EYS: variants seen among roughly 807,000 people sequenced by gnomAD.
EYS encodes the protein EGF-like photoreceptor maintenance factor.
Under a neutral mutation model 282.1 loss-of-function variants are expected in EYS, and 250 were observed. The ratio of observed to expected loss-of-function variants is 0.89; its 90% CI spans 0.80 to 0.98. EYS has a LOEUF of 0.98. Ranked by LOEUF, EYS falls within the 50% of genes least tolerant of loss-of-function variation. The probability of loss-of-function intolerance (pLI) is 0.00; values close to 1 mark genes in which losing one functional copy is unlikely to be tolerated. For synonymous variants in EYS, 1,355 were observed against 1,282.9 expected (o/e 1.06, Z -1.20); for missense variants, 4,016 against 3,709.0 (o/e 1.08, Z -2.15).
At chr6:63,802,754 AG>A (rs1770812337) in intron 37 of EYS, among the ~76,000 whole-genome samples, 1 of 151,702 alleles carries the variant, frequency 6.6e-6, no homozygotes, top group Non-Finnish European at 1.5e-5. Flanking sequence ...TTAAAGAAAA[AG>A]CTCTTTAGTA....
intron 11 of EYS, among the ~76,000 whole-genome samples, chr6:65,323,352 CA>C (rs1769529977): frequency 1.3e-5 from 2 of 148,534 alleles, no homozygotes; most frequent in South Asian, 4.3e-4. Flanking sequence ...TTATAGTAAT[CA>C]GTTTTCTTAT....
chr6:64,687,102 T>A (rs2149910552), intron 22 of EYS, among the ~76,000 whole-genome samples: 1 of 151,480 alleles, frequency 6.6e-6, no homozygotes, highest in African/African-American at 2.4e-5. Context: ...ACTGGCATAT[T>A]CTATGAAACA....
rs1473934022 is a variant in EYS, at chr6:64,912,584, G to T, written c.2541C>A (p.His847Gln). ...GTAGGTCACAAAGGTTATAGCGTTG[G>T]TGGCAAAATTGTCCAGTATAAAGGG... Reference protein sequence around the residue: ...CPPLYTGQFCHQRYNLCDLLH... With the variant: ...CPPLYTGQFCQQRYNLCDLLH... The change falls in exon 16 of 43, where the codon CAC becomes CAA. Residue 847 changes from histidine to glutamine, a missense_variant. Coordinates refer to ENST00000503581, the MANE Select transcript of EYS (RefSeq NM_001142800.2). 6.4e-7 allele frequency: 1 copy of T among 1,551,222 alleles called. No individual in the cohort carries two copies. Among genetic ancestry groups the T allele is most frequent in the Non-Finnish European group, 8.7e-7 (1 of 1,146,666 alleles).
intron 15 of EYS, among the ~76,000 whole-genome samples, chr6:64,939,064 T>G (rs189665261): frequency 1.9e-4 from 29 of 151,990 alleles, no homozygotes; most frequent in Non-Finnish European, 3.4e-4. Context: ...TAAGTCATCC[T>G]ATTTATATGC....
intron 16 of EYS, among the ~76,000 whole-genome samples, chr6:64,911,018 AAAT>A (rs953214718): frequency 4.6e-5 from 7 of 151,954 alleles, no homozygotes; most frequent in African/African-American, 7.2e-5. Context: ...ATACTCTCAG[AAAT>A]AATAATATGT....
chr6:64,370,677 T>C (rs1772335492), intron 29 of EYS, among the ~76,000 whole-genome samples: 1 of 152,104 alleles, frequency 6.6e-6, no homozygotes. Context: ...GTAGGGTTTT[T>C]ATTAATGATT....
intron 12 of EYS, among the ~76,000 whole-genome samples, chr6:65,194,095 T>C (rs879287298): frequency 3.9e-5 from 6 of 151,990 alleles, no homozygotes; most frequent in Non-Finnish European, 7.4e-5. Context: ...ATAGATTGCT[T>C]AGGGCTACTG....
chr6:65,699,440 A>G (rs1769574904), intron 1 of EYS, among the ~76,000 whole-genome samples: 1 of 152,184 alleles, frequency 6.6e-6, no homozygotes, highest in Non-Finnish European at 1.5e-5. Flanking sequence ...AACAAAAAAA[A>G]AAGAACGATG....
chr6:64,869,585 G>A (rs185879147), intron 19 of EYS, among the ~76,000 whole-genome samples: 35 of 151,688 alleles, frequency 2.3e-4, no homozygotes, highest in African/African-American at 8.4e-4. Flanking sequence ...AAATGGCCAT[G>A]TGCACATCTG....
intron 29 of EYS, among the ~76,000 whole-genome samples, chr6:64,313,521 A>G (rs1769813921): frequency 6.6e-6 from 1 of 152,150 alleles, no homozygotes; most frequent in South Asian, 2.1e-4. Context: ...CAAATTCAGG[A>G]AAAACAGAGA....
chr6:63,831,280 TAA>T (rs1562048195), intron 36 of EYS, among the ~76,000 whole-genome samples: 2 of 152,128 alleles, frequency 1.3e-5, no homozygotes, highest in Non-Finnish European at 2.9e-5. Context: ...GCAAATTGGA[TAA>T]AGAGTCAAGA....
chr6:64,896,891 A>AGACC (rs1326170587), intron 18 of EYS, among the ~76,000 whole-genome samples: 3 of 152,148 alleles, frequency 2.0e-5, no homozygotes, highest in South Asian at 4.1e-4. Context: ...TGCCGTAGAC[A>AGACC]GACCGCCTCT....
intron 28 of EYS, among the ~76,000 whole-genome samples, chr6:64,394,363 G>A (rs74539113): frequency 0.34 from 51,055 of 151,450 alleles, 8,945 homozygotes; most frequent in East Asian, 0.46. Context: ...GAGGCATCAC[G>A]CTACCTGACT....
chr6:64,243,850 C>G (rs1766917968), intron 30 of EYS, among the ~76,000 whole-genome samples: 1 of 152,078 alleles, frequency 6.6e-6, no homozygotes, highest in Non-Finnish European at 1.5e-5. Context: ...GAAGATGAAT[C>G]ACAATGTATT....
At chr6:64,412,132 A>G (rs1455205662) in intron 28 of EYS, among the ~76,000 whole-genome samples, 1 of 151,844 alleles carries the variant, frequency 6.6e-6, no homozygotes, top group South Asian at 2.1e-4. Flanking sequence ...AATATGGCCA[A>G]TAAAATGTAA....
chr6:65,133,460 T>C (rs1189515147), intron 12 of EYS, among the ~76,000 whole-genome samples: 1 of 151,882 alleles, frequency 6.6e-6, no homozygotes, highest in African/African-American at 2.4e-5. Flanking sequence ...AGGGAGCTCA[T>C]CAGAAATAAG....
chr6:64,922,337 C>A (rs985842336), intron 15 of EYS, among the ~76,000 whole-genome samples: 1 of 152,008 alleles, frequency 6.6e-6, no homozygotes, highest in Non-Finnish European at 1.5e-5. Flanking sequence ...TTTTGAAGAA[C>A]TAAATTTAAA....
rs1342725450 is a variant in EYS at position 64,660,196 on chromosome 6, C to T, written c.3444-33951G>A. 5.3e-5 allele frequency among the ~76,000 whole-genome samples: 8 copies of T among 152,268 alleles called. No homozygotes were observed. The South Asian group carries it at 8.3e-4, about 16-fold the overall frequency. Reference sequence around the variant, plus strand: ...TGACAAAATTCAACAACACTTCATGCTAAAAACTCTCAATAAATTAGGTAT... The same window carrying T: ...TGACAAAATTCAACAACACTTCATGTTAAAAACTCTCAATAAATTAGGTAT... On this transcript the variant is annotated intron_variant, in intron 22 of 42. Transcript: ENST00000503581.
intron 15 of EYS, among the ~76,000 whole-genome samples, chr6:64,942,827 C>CA (rs34826658): frequency 0.098 from 9,224 of 93,918 alleles, 491 homozygotes; most frequent in East Asian, 0.2. Context: ...GTAACTCTTC[C>CA]AAAAAAAAAA....
Sources: allele counts gnomAD v4.1 joint callset (sites outside exome capture counted in the v4.1 genomes callset), GRCh38; gene constraint gnomAD v4.1.1; transcripts MANE v1.5; gene names NCBI Gene and HGNC (gene_info 2026-07-23, HGNC 2026-07-21).